Variants in OGDH observed in about 807,000 individuals in gnomAD.
The protein encoded by OGDH is oxoglutarate dehydrogenase.
A neutral mutation model predicts 116.6 loss-of-function variants in OGDH; 38 were observed. That is an observed-to-expected ratio of 0.33 (90% confidence interval 0.25 to 0.43). The LOEUF (loss-of-function observed/expected upper bound fraction) is 0.43. Among genes scored for constraint, OGDH ranks in the 20% least tolerant of loss-of-function variants. OGDH has a pLI of 1.00. For missense variants in OGDH, 825 were observed against 1,357.2 expected, an observed-to-expected ratio of 0.61 and a Z score of 6.16; for synonymous variants, 488 against 533.3, an observed-to-expected ratio of 0.92 and a Z score of 1.17.
chr7:44,693,627 C>G (rs1301731947), intron 10 of OGDH, among the ~76,000 whole-genome samples, 198 bp from the exon 11 acceptor site: 2 of 152,080 alleles, frequency 1.3e-5, no homozygotes, highest in Non-Finnish European at 1.5e-5. Context: ...TTTAAATTCT[C>G]TATGTTAAAT....
intron 18 of OGDH, 69 bp downstream of exon 18, chr7:44,698,332 A>T (rs536908884): frequency 6.7e-7 from 1 of 1,493,866 alleles, no homozygotes; most frequent in Non-Finnish European, 9.3e-7. Context: ...GGGAAGAGCA[A>T]TCTATCTGGT....
chr7:44,625,433 C>T (rs182796227), intron 2 of OGDH, among the ~76,000 whole-genome samples: 12 of 152,130 alleles, frequency 7.9e-5, no homozygotes, highest in Non-Finnish European at 1.3e-4. Flanking sequence ...CCATGTCATG[C>T]CTTGTGACAG....
rs1788585363 is a variant in OGDH at position 44,696,450 on chromosome 7, A to G, written c.1793A>G (p.Gln598Arg). 2.5e-6 allele frequency: 4 copies of G among 1,613,872 alleles called. No homozygotes were observed. Among genetic ancestry groups the G allele is most frequent in the South Asian group, 1.1e-5 (1 of 91,070 alleles). ...CTAGGCTTCTTCACCCTGGACGGGC[A>G]GCCCAGGAGCATGTCCTGCCCCTCC... is the stretch of plus-strand genomic sequence containing the variant. ...PWPGFFTLDG[Q>R]PRSMSCPSTG... Residue 598 changes from glutamine (Q) to arginine (R), a missense_variant, in exon 14 of 23, where the codon CAG (glutamine) becomes CGG (arginine). This residue lies in a region of OGDH where 92 missense variants were observed against 129.7 expected (regional missense o/e 0.71). Coordinates refer to ENST00000222673, the MANE Select transcript of OGDH (RefSeq NM_002541.4).
At chr7:44,623,683 G>C in intron 1 of OGDH, among the ~76,000 whole-genome samples, 1 of 91,796 alleles carries the variant, frequency 1.1e-5, no homozygotes, top group Non-Finnish European at 3.0e-5. Context: ...GTCTCACTCT[G>C]TTGCTAGGCT....
At chr7:44,686,107 A>C (rs1355000152) in intron 10 of OGDH, among the ~76,000 whole-genome samples, 1 of 149,420 alleles carries the variant, frequency 6.7e-6, no homozygotes, top group East Asian at 2.0e-4. Flanking sequence ...AGAGAAAGTT[A>C]TTTTCCTTCC....
At chr7:44,652,563 A>T in intron 4 of OGDH, among the ~76,000 whole-genome samples, 1 of 151,774 alleles carries the variant, frequency 6.6e-6, no homozygotes, top group Admixed American at 6.6e-5. Context: ...TTATTTTTTT[A>T]TTTTATTTTA....
chr7:44,685,812 TA>T (rs1467531333), intron 10 of OGDH, among the ~76,000 whole-genome samples: 1 of 151,654 alleles, frequency 6.6e-6, no homozygotes, highest in Non-Finnish European at 1.5e-5. Flanking sequence ...CTTGTAGAGT[TA>T]GGGTCTCTCT....
chr7:44,631,994 C>G (rs1329834613), intron 2 of OGDH, among the ~76,000 whole-genome samples: 1 of 152,168 alleles, frequency 6.6e-6, no homozygotes, highest in Non-Finnish European at 1.5e-5. Flanking sequence ...GGTCACTCAG[C>G]AGGATGATGG....
chr7:44,647,642 G>C lies in OGDH; in HGVS notation c.415-15G>C. 6.2e-7 allele frequency: 1 copy of C among 1,603,510 alleles called. No individual in the cohort carries two copies. The highest frequency in any genetic ancestry group is 8.5e-7 in the Non-Finnish European group (1 of 1,173,362). ...TTTGTGTGTGTCCTTCCCTCTCATC[G>C]TTGGCCACTCATAGATACGAGGGCA... On this transcript the variant is annotated splice_polypyrimidine_tract_variant and intron_variant, in intron 3 of 22. Coordinates refer to ENST00000222673, the MANE Select transcript of OGDH (RefSeq NM_002541.4).
intron 1 of OGDH, among the ~76,000 whole-genome samples, chr7:44,608,157 C>T (rs918122371): frequency 1.3e-5 from 2 of 152,182 alleles, no homozygotes; most frequent in Non-Finnish European, 2.9e-5. Context: ...AATCCCCACA[C>T]TTTGGGAGTG....
At chr7:44,663,384 G>A (rs1049600086) in intron 4 of OGDH, among the ~76,000 whole-genome samples, 9 of 152,216 alleles carry the variant, frequency 5.9e-5, no homozygotes, top group African/African-American at 2.2e-4. Flanking sequence ...ACGCCTGTAA[G>A]CACTTTGGGA....
At position 44,638,624 on chromosome 7, in the gene OGDH, T is replaced by C. The variant is rs1785782084; in HGVS notation, c.223-6703T>C. Among the ~76,000 whole-genome samples, 3 of 152,186 alleles carry C rather than the reference T, an allele frequency of 2.0e-5. No homozygotes were observed. The South Asian group carries it at 6.2e-4, about 31-fold the overall frequency. Reference sequence around the variant, plus strand: ...AGGGATAATTAGGAATAAATTTGGCTGGAAGAAAGGGAAAATGCAGCTTAG... The same window carrying C: ...AGGGATAATTAGGAATAAATTTGGCCGGAAGAAAGGGAAAATGCAGCTTAG... On this transcript the variant is annotated intron_variant, in intron 2 of 22. Coordinates refer to ENST00000222673, the MANE Select transcript of OGDH (RefSeq NM_002541.4).
chr7:44,650,133 C>T (rs1371513362), intron 4 of OGDH, among the ~76,000 whole-genome samples: 1 of 152,010 alleles, frequency 6.6e-6, no homozygotes, highest in East Asian at 1.9e-4. Context: ...AATAGTGTGA[C>T]CTAAAAATCC....
At chr7:44,701,226 C>T (rs1224971156) in intron 19 of OGDH, among the ~76,000 whole-genome samples, 1 of 152,168 alleles carries the variant, frequency 6.6e-6, no homozygotes, top group Non-Finnish European at 1.5e-5. Context: ...GGTGCATTTG[C>T]TCTGAGACTG....
chr7:44,622,029 C>T (rs145717894), intron 1 of OGDH, among the ~76,000 whole-genome samples: 12 of 152,212 alleles, frequency 7.9e-5, no homozygotes, highest in African/African-American at 2.4e-4. Flanking sequence ...TGGTGTTTTA[C>T]GATTGTCAGT....
At chr7:44,670,904 G>A (rs905005031) in intron 5 of OGDH, among the ~76,000 whole-genome samples, 1 of 151,466 alleles carries the variant, frequency 6.6e-6, no homozygotes. Context: ...CCAACTACTC[G>A]GGAGGCTGAG....
At chr7:44,686,046 C>CTTTCTTTTTT (rs1554305942) in intron 10 of OGDH, among the ~76,000 whole-genome samples, 38 of 144,888 alleles carry the variant, frequency 2.6e-4, no homozygotes, top group African/African-American at 9.5e-4. Flanking sequence ...TTCTTTCTTT[C>CTTTCTTTTTT]TTTTTTTTTT....
At chr7:44,642,637 T>C (rs1032120392) in intron 2 of OGDH, among the ~76,000 whole-genome samples, 6 of 152,008 alleles carry the variant, frequency 3.9e-5, no homozygotes, top group Non-Finnish European at 5.9e-5. Context: ...TAAAAACATT[T>C]TAAAGGCCAG....
At chr7:44,644,079 C>G (rs1490385396) in intron 2 of OGDH, among the ~76,000 whole-genome samples, 1 of 152,174 alleles carries the variant, frequency 6.6e-6, no homozygotes, top group Admixed American at 6.5e-5. Flanking sequence ...GTGGCGTGCT[C>G]CTGTAATCCC....
Sources: gnomAD v4.1 joint callset for allele counts (sites outside exome capture counted in the v4.1 genomes callset) on GRCh38, gnomAD v4.1.1 for gene constraint, gnomAD v4.1.1 regional missense constraint, MANE v1.5 for transcripts, NCBI Gene and HGNC (gene_info 2026-07-23, HGNC 2026-07-21) for gene names.